Variants in AKAP13 observed in about 807,000 individuals in gnomAD.
AKAP13 encodes A-kinase anchor protein 13.
Under a neutral mutation model 264.5 loss-of-function variants are expected in AKAP13, and 80 were observed. That is an observed-to-expected ratio of 0.30 (90% confidence interval 0.25 to 0.36). The LOEUF is 0.36. AKAP13 is among the 10% of genes least tolerant of loss of function. The probability of loss-of-function intolerance (pLI) is 1.00; values close to 1 mark genes in which losing one functional copy is unlikely to be tolerated. For missense variants in AKAP13, 3,712 were observed against 3,435.2 expected, an observed-to-expected ratio of 1.08 and a Z score of -2.01; for synonymous variants, 1,380 against 1,250.2, an observed-to-expected ratio of 1.10 and a Z score of -2.19.
In AKAP13 at chr15:85,664,701, T is replaced by A; in HGVS notation, c.4938T>A (p.Leu1646=). ...AACGGGTTGACTCTTTGGTGTCACT[T>A]TCAGAAGAGGATCTGGAGTCAGACC... ...GEERVDSLVS[L]SEEDLESDQR... Residue 1646 remains leucine, a synonymous_variant, in exon 13 of 37, where the codon CTT becomes CTA. Transcript: ENST00000394518. 6.2e-7 allele frequency: 1 copy of A among 1,614,080 alleles called. No individual in the cohort carries two copies. Among genetic ancestry groups the A allele is most frequent in the Admixed American group, 1.7e-5 (1 of 60,006 alleles).
chr15:85,384,703 C>G (rs532494952), intron 1 of AKAP13, among the ~76,000 whole-genome samples: 18 of 140,944 alleles, frequency 1.3e-4, no homozygotes, highest in African/African-American at 4.8e-4. Flanking sequence ...GGCGACAGAG[C>G]GAGACTCCGT....
intron 5 of AKAP13, among the ~76,000 whole-genome samples, chr15:85,571,893 A>G (rs960121979): frequency 1.3e-5 from 2 of 152,208 alleles, no homozygotes; most frequent in African/African-American, 2.4e-5. Context: ...ATCTAGAGGG[A>G]CAAGGAAGCA....
At chr15:85,393,169 A>T (rs2070948239) in intron 1 of AKAP13, among the ~76,000 whole-genome samples, 1 of 152,206 alleles carries the variant, frequency 6.6e-6, no homozygotes, top group Non-Finnish European at 1.5e-5. Context: ...TTTTACCTTT[A>T]ACAAGCTGGA....
At chr15:85,472,503 G>A (rs942884879) in intron 1 of AKAP13, among the ~76,000 whole-genome samples, 1 of 152,120 alleles carries the variant, frequency 6.6e-6, no homozygotes, top group Non-Finnish European at 1.5e-5. Flanking sequence ...AACTCTTTTT[G>A]ACATTTTAAA....
At chr15:85,502,964 C>G (rs1284066295) in intron 2 of AKAP13, among the ~76,000 whole-genome samples, 1 of 152,082 alleles carries the variant, frequency 6.6e-6, no homozygotes, top group East Asian at 1.9e-4. Flanking sequence ...GTGTGTTTTA[C>G]TAGAAGAGAT....
At chr15:85,699,432 G>A (rs1281218485) in intron 17 of AKAP13, among the ~76,000 whole-genome samples, 1 of 146,626 alleles carries the variant, frequency 6.8e-6, no homozygotes, top group Non-Finnish European at 1.5e-5. Flanking sequence ...CAACAAGAGT[G>A]AAACTCTATC....
chr15:85,399,223 G>A (rs1439934900), intron 1 of AKAP13, among the ~76,000 whole-genome samples: 6 of 152,010 alleles, frequency 3.9e-5, no homozygotes, highest in East Asian at 1.9e-4. Flanking sequence ...CAGGCCGGGC[G>A]CGGTGGCTCA....
At chr15:85,575,394 TC>T in intron 6 of AKAP13, 65 bp downstream of exon 6, 2 of 1,450,078 alleles carry the variant, frequency 1.4e-6, no homozygotes, top group East Asian at 2.3e-5. Flanking sequence ...TATGTGTGTG[TC>T]CCCGCCCTCC....
At chr15:85,655,055 A>G (rs2083036040) in intron 10 of AKAP13, among the ~76,000 whole-genome samples, 1 of 152,028 alleles carries the variant, frequency 6.6e-6, no homozygotes, top group South Asian at 2.1e-4. Flanking sequence ...AGCCAGGCGT[A>G]GTGGTGCATG....
At chr15:85,450,877 G>A (rs903546244) in intron 1 of AKAP13, among the ~76,000 whole-genome samples, 1 of 152,136 alleles carries the variant, frequency 6.6e-6, no homozygotes, top group African/African-American at 2.4e-5. Context: ...AGATCCATTT[G>A]GTTCAACGCT....
intron 8 of AKAP13, chr15:85,621,161 G>A (rs190225882): frequency 1.3e-5 from 2 of 152,222 alleles, no homozygotes; most frequent in Non-Finnish European, 2.9e-5. Flanking sequence ...GGGTCTTTTC[G>A]ATTTTTTTCT....
intron 5 of AKAP13, among the ~76,000 whole-genome samples, chr15:85,558,225 T>G (rs190863722): frequency 4.6e-5 from 7 of 152,252 alleles, no homozygotes; most frequent in East Asian, 1.9e-4. Context: ...ATCAATGTTA[T>G]ATGTTTCTGC....
intron 8 of AKAP13, among the ~76,000 whole-genome samples, chr15:85,597,118 T>C (rs2079853961): frequency 1.3e-5 from 2 of 152,236 alleles, no homozygotes; most frequent in South Asian, 2.1e-4. Context: ...AGAGGTCTTT[T>C]CTATTTATAC....
At chr15:85,409,918 A>G (rs2071878932) in intron 1 of AKAP13, among the ~76,000 whole-genome samples, 1 of 151,590 alleles carries the variant, frequency 6.6e-6, no homozygotes, top group Non-Finnish European at 1.5e-5. Context: ...GGCGTGAGAC[A>G]CCGCGCCTGG....
chr15:85,513,274 C>CT (rs1162870786), intron 2 of AKAP13, among the ~76,000 whole-genome samples: 2 of 152,152 alleles, frequency 1.3e-5, no homozygotes, highest in African/African-American at 4.8e-5. Flanking sequence ...AATGATAGAG[C>CT]TTTCTTCACA....
Position 85,521,509 on chromosome 15 carries a change from T to G in AKAP13, c.115T>G (p.Ser39Ala). The change falls in exon 3 of 37, where the codon TCC (serine) becomes GCC (alanine). Residue 39 changes from serine (S) to alanine (A), a missense_variant. Transcript: ENST00000394518. The part of the protein sequence containing the change: ...DVVFYLVFLG[S>A]TLRHCTSTRK... ...AGTGTTTTACTTGGTATTTTTGGGT[T>G]CCACCCTCCGTCACTGTACAAGTAC... 1.2e-6 allele frequency: 2 copies of G among 1,614,178 alleles called. No individual in the cohort carries two copies. The highest frequency in any genetic ancestry group is 1.7e-6 in the Non-Finnish European group (2 of 1,180,022).
rs552404405 is a variant in AKAP13 at position 85,580,990 on chromosome 15, G to A, written c.2922G>A (p.Lys974=). ...HEKSISADCA[K]DKALQLSNSP... ...AATCAATCTCAGCTGACTGTGCCAA[G>A]GACAAAGCACTTCAGCTAAGTAATT... is the stretch of plus-strand genomic sequence containing the variant. Residue 974 remains lysine, a synonymous_variant, in exon 7 of 37, where the codon AAG becomes AAA. Transcript: ENST00000394518. The A allele has an allele frequency of 1.8e-4, 297 of 1,613,940 alleles. 3 individuals are homozygous for A. The South Asian group carries it at 3.0e-3, about 16-fold the overall frequency.
chr15:85,732,219 G>C (rs1320555745), intron 30 of AKAP13, among the ~76,000 whole-genome samples: 1 of 151,872 alleles, frequency 6.6e-6, no homozygotes, highest in Non-Finnish European at 1.5e-5. Flanking sequence ...TAGTCTTTTA[G>C]AGCTACTGGT....
intron 17 of AKAP13, chr15:85,702,814 T>C (rs2151672196): frequency 6.6e-6 from 1 of 152,338 alleles, no homozygotes; most frequent in South Asian, 2.1e-4. Flanking sequence ...TTTCAACTCT[T>C]ATTTCTCTAT....
Sources: allele counts gnomAD v4.1 joint callset (sites outside exome capture counted in the v4.1 genomes callset), GRCh38; gene constraint gnomAD v4.1.1; transcripts MANE v1.5; gene names NCBI Gene and HGNC (gene_info 2026-07-23, HGNC 2026-07-21).